PWWP2A: variants seen among roughly 807,000 people sequenced by gnomAD.
The protein encoded by PWWP2A is PWWP domain containing 2A.
In PWWP2A, 18 loss-of-function variants were observed where a neutral mutation model predicts 48.5. That is an observed-to-expected ratio of 0.37 (90% CI 0.26 to 0.55). The LOEUF is 0.55. PWWP2A is among the 20% of genes least tolerant of loss of function. The pLI is 0.81. For missense variants in PWWP2A, 867 were observed against 976.4 expected, an observed-to-expected ratio of 0.89 and a Z score of 1.49; for synonymous variants, 396 against 387.7, an observed-to-expected ratio of 1.02 and a Z score of -0.25.
the PWWP2A span, chr5:160,051,030 C>A: frequency 1.1e-6 from 1 of 894,346 alleles, no homozygotes; most frequent in Non-Finnish European, 1.7e-6. Context: ...GATCTTATTT[C>A]CACATTAGGA....
At chr5:160,054,560 G>T in the PWWP2A span, among the ~76,000 whole-genome samples, 1 of 151,448 alleles carries the variant, frequency 6.6e-6, no homozygotes. Flanking sequence ...GCAGTGTTAC[G>T]ATGGTACCAG....
intron 4 of PWWP2A, among the ~76,000 whole-genome samples, chr5:160,065,881 A>C (rs1417096946): frequency 6.6e-6 from 1 of 152,220 alleles, no homozygotes; most frequent in Non-Finnish European, 1.5e-5. Flanking sequence ...ATATTCTTTT[A>C]AACTACATGA....
At chr5:160,075,805 T>TAA (rs58558222), downstream of PWWP2A, 619 of 69,820 alleles carry the variant, frequency 8.9e-3, 14 homozygotes, top group Admixed American at 0.013. Flanking sequence ...ATTCTAATAG[T>TAA]AAAAAAAAAA....
chr5:160,071,290 C>G (rs1455573306), downstream of PWWP2A, among the ~76,000 whole-genome samples: 1 of 152,208 alleles, frequency 6.6e-6, no homozygotes, highest in African/African-American at 2.4e-5. Flanking sequence ...ACTCAACTTT[C>G]AAGCTAGAAT....
chr5:160,101,554 T>C (rs925822619), intron 1 of PWWP2A, among the ~76,000 whole-genome samples: 13 of 152,302 alleles, frequency 8.5e-5, no homozygotes, highest in African/African-American at 2.6e-4. Context: ...TATTGAATTT[T>C]AGTTTTGCAA....
At chr5:160,102,200 A>G (rs1581234431) in intron 1 of PWWP2A, among the ~76,000 whole-genome samples, 1 of 151,624 alleles carries the variant, frequency 6.6e-6, no homozygotes, top group Middle Eastern at 3.4e-3. Flanking sequence ...TGAGGTCAGG[A>G]GTTCAAGACC....
chr5:160,073,487 A>AAAG (rs1485061102), downstream of PWWP2A, among the ~76,000 whole-genome samples: 1 of 152,032 alleles, frequency 6.6e-6, no homozygotes, highest in African/African-American at 2.4e-5. Flanking sequence ...TCGACCTCCC[A>AAAG]AAGTACTGGG....
downstream of PWWP2A, among the ~76,000 whole-genome samples, chr5:160,087,950 G>A (rs1414005778): frequency 1.3e-5 from 2 of 152,190 alleles, no homozygotes; most frequent in Non-Finnish European, 2.9e-5. Context: ...ATACAGATCA[G>A]CTATATCACT....
At chr5:160,108,488 A>G in intron 1 of PWWP2A, 1 of 762,496 alleles carries the variant, frequency 1.3e-6, no homozygotes, top group Non-Finnish European at 2.0e-6. Context: ...ATACTACTTG[A>G]GGGCCTAAGT....
At position 160,091,970 on chromosome 5, in the gene PWWP2A, ATG is replaced by A. The variant is rs1367130136; in HGVS notation, c.*410_*411del. The A allele has an allele frequency of 9.3e-6, 8 of 859,770 alleles. No homozygotes were observed. The highest frequency in any genetic ancestry group is 1.1e-5 in the Non-Finnish European group (8 of 719,018). The allele number at this position is 859,770 out of a possible 1,614,324, so 53.3% of individuals were successfully genotyped here. A position where few individuals can be genotyped will look rare whatever the true frequency, so the allele number is the denominator to read the frequency against. ...GACAGGCTGTATTTCATATATATAT[ATG>A]TGTATATATACATATATATGTGTGT... is the stretch of plus-strand genomic sequence containing the variant. On this transcript the variant is annotated 3_prime_UTR_variant, in exon 2 of 2. Coordinates refer to ENST00000307063, the MANE Select transcript of PWWP2A (RefSeq NM_001130864.2).
intron 2 of PWWP2A, among the ~76,000 whole-genome samples, chr5:160,086,258 C>CT (rs1411698378): frequency 6.6e-6 from 1 of 152,144 alleles, no homozygotes; most frequent in East Asian, 1.9e-4. Flanking sequence ...TGGCTCATAC[C>CT]TGTAACCCCA....
chr5:160,091,205 G>A (rs1755027804), downstream of PWWP2A: 1 of 972,134 alleles, frequency 1.0e-6, no homozygotes, highest in African/African-American at 1.8e-5. Flanking sequence ...TCTTATCTCA[G>A]ATAATATATT....
At chr5:160,105,653 C>T in intron 1 of PWWP2A, 1 of 978,676 alleles carries the variant, frequency 1.0e-6, no homozygotes, top group Non-Finnish European at 1.2e-6. Context: ...TAACAATTTC[C>T]TCATAAGCCA....
chr5:160,079,087 A>G (rs187831075), intron 3 of PWWP2A, among the ~76,000 whole-genome samples: 53 of 152,278 alleles, frequency 3.5e-4, no homozygotes, highest in Non-Finnish European at 1.0e-4. Flanking sequence ...GATCCGTGGA[A>G]AGAAAGATGA....
At chr5:160,102,298 C>CT (rs1756397134) in intron 1 of PWWP2A, among the ~76,000 whole-genome samples, 2 of 148,454 alleles carry the variant, frequency 1.3e-5, no homozygotes, top group African/African-American at 2.5e-5. Flanking sequence ...ATCCCAGCTA[C>CT]TTGGGAGGCT....
At position 160,092,184 on chromosome 5, in the gene PWWP2A, C is replaced by T; in HGVS notation, c.*198G>A. ...GAAAAATACTGCTAAAATCTCACTT[C>T]CTTAACACAAAATTTGATTATATGT... On this transcript the variant is annotated 3_prime_UTR_variant, in exon 2 of 2. Coordinates refer to ENST00000307063, the MANE Select transcript of PWWP2A (RefSeq NM_001130864.2). 7.5e-6 allele frequency: 10 copies of T among 1,333,984 alleles called. No individual in the cohort carries two copies. Among genetic ancestry groups the T allele is most frequent in the Non-Finnish European group, 8.6e-6 (9 of 1,046,348 alleles). 82.6% of individuals were successfully genotyped at this position (1,333,984 alleles called of 1,614,324 possible). A position where few individuals can be genotyped will look rare whatever the true frequency, so the allele number is the denominator to read the frequency against.
the PWWP2A span, chr5:160,049,747 A>G: frequency 8.6e-7 from 1 of 1,164,106 alleles, no homozygotes; most frequent in Non-Finnish European, 1.2e-6. Context: ...TTCAGACACA[A>G]TTAAATTCCA....
Position 160,092,815 on chromosome 5 carries a change from T to G in PWWP2A, c.1835A>C (p.His612Pro). The change falls in exon 2 of 2, where the codon CAT becomes CCT. Residue 612 changes from histidine to proline, a missense_variant. His to Pro is a moderately conservative substitution (Grantham distance 77, BLOSUM62 -2). Around this residue, in one of 4 missense-constraint regions of PWWP2A, gnomAD observed 382 missense variants for 407.2 expected, o/e 0.94. Coordinates refer to ENST00000307063, the MANE Select transcript of PWWP2A (RefSeq NM_001130864.2). ...ESFDFPPGSM[H>P]APSTSSTSSS... ...GGAAGTGGAGGAGGTGGAAGGTGCATGCATACTGCCTGGAGGAAAATCAAA... is the reference window on the plus strand; with the variant it reads ...GGAAGTGGAGGAGGTGGAAGGTGCAGGCATACTGCCTGGAGGAAAATCAAA... 3.2e-6 allele frequency: 5 copies of G among 1,551,674 alleles called. No homozygotes were observed. Among genetic ancestry groups the G allele is most frequent in the Non-Finnish European group, 4.4e-6 (5 of 1,146,982 alleles).
chr5:160,113,712 A>G (rs943411819), intron 1 of PWWP2A, among the ~76,000 whole-genome samples: 27 of 152,302 alleles, frequency 1.8e-4, no homozygotes, highest in Middle Eastern at 3.4e-3. Flanking sequence ...TTACCCAACT[A>G]AAGAATCTGC....
Sources: allele counts gnomAD v4.1 joint callset (sites outside exome capture counted in the v4.1 genomes callset), GRCh38; gene constraint gnomAD v4.1.1; regional missense constraint gnomAD v4.1.1; transcripts MANE v1.5; gene names NCBI Gene and HGNC (gene_info 2026-07-23, HGNC 2026-07-21).